The following HSD17B2 variants were observed in gnomAD, a reference collection of about 807,000 sequenced individuals.
The protein encoded by HSD17B2 is hydroxysteroid 17-beta dehydrogenase 2.
A neutral mutation model predicts 26.9 loss-of-function variants in HSD17B2; 32 were observed. The ratio of observed to expected loss-of-function variants is 1.19; its 90% CI spans 0.90 to 1.60. HSD17B2 has a LOEUF of 1.60. HSD17B2 is among the 40% of genes most tolerant of loss of function. The probability of loss-of-function intolerance (pLI) is 0.00; values close to 1 mark genes in which losing one functional copy is unlikely to be tolerated. For synonymous variants in HSD17B2, 246 were observed against 186.7 expected, an observed-to-expected ratio of 1.32 and a Z score of -2.59; for missense variants, 613 against 468.6, an observed-to-expected ratio of 1.31 and a Z score of -2.85.
At chr16:82,054,781 T>C (rs1225509403) in intron 1 of HSD17B2, among the ~76,000 whole-genome samples, 1 of 152,228 alleles carries the variant, frequency 6.6e-6, no homozygotes, top group Non-Finnish European at 1.5e-5. Flanking sequence ...CTAGTGTCTT[T>C]AGCAGAAAGG....
chr16:82,037,147 A>C (rs914929709), intron 1 of HSD17B2, among the ~76,000 whole-genome samples: 5 of 152,208 alleles, frequency 3.3e-5, no homozygotes, highest in Non-Finnish European at 5.9e-5. Flanking sequence ...CAATTAGGCA[A>C]CTCAAGCTCA....
intron 3 of HSD17B2, among the ~76,000 whole-genome samples, chr16:82,085,638 G>A (rs747122904): frequency 6.6e-6 from 1 of 151,990 alleles, no homozygotes; most frequent in Non-Finnish European, 1.5e-5. Context: ...GGCAATTTAG[G>A]GCTGTCTCTT....
chr16:82,070,722 C>T, intron 2 of HSD17B2: 1 of 557,940 alleles, frequency 1.8e-6, no homozygotes, highest in African/African-American at 1.9e-5. Context: ...ACAGAATATT[C>T]TACTTTACAT....
intron 1 of HSD17B2, among the ~76,000 whole-genome samples, chr16:82,043,684 C>CAAAAAAAAAAAAAAA (rs398030034): frequency 4.4e-5 from 1 of 22,550 alleles, no homozygotes; most frequent in African/African-American, 3.5e-4. Flanking sequence ...AACTCTGTCT[C>CAAAAAAAAAAAAAAA]AAAAAAAAAA....
At position 82,091,307 on chromosome 16, in the gene HSD17B2, A is replaced by G. The variant is rs1451765611; in HGVS notation, c.802+268A>G. 3 of 470,130 alleles carry G rather than the reference A, an allele frequency of 6.4e-6. No individual in the cohort carries two copies. In the Admixed American group the frequency reaches 9.9e-5, roughly 16 times the overall value. The allele number at this position is 470,130 out of a possible 1,614,324, so 29.1% of individuals were successfully genotyped here. On this transcript the variant is annotated intron_variant, in intron 4 of 4. Transcript: ENST00000199936. ...GGGAAAGCATGGCTCAGTAAGTCAG[A>G]TTAGTGAAAAAGTACAAGGGTCCAT...
chr16:82,074,114 T>C (rs1393287524), intron 3 of HSD17B2, among the ~76,000 whole-genome samples: 1 of 152,204 alleles, frequency 6.6e-6, no homozygotes, highest in Non-Finnish European at 1.5e-5. Context: ...GGATTCCCTA[T>C]TCAATAAACG....
intron 1 of HSD17B2, among the ~76,000 whole-genome samples, chr16:82,059,067 T>C (rs889787783): frequency 6.6e-6 from 1 of 152,188 alleles, no homozygotes; most frequent in African/African-American, 2.4e-5. Flanking sequence ...CCTAGTTTCT[T>C]CTCTTTCCTG....
Position 82,089,444 on chromosome 16 carries a change from G to A in HSD17B2, c.665-1458G>A, listed in dbSNP as rs8191208. ...TGTTATGGGTCTAGTCTTCGTGTGA[G>A]ACTTCATGAGGCACTGTGAGCCCTA... On this transcript the variant is annotated intron_variant, in intron 3 of 4. Transcript: ENST00000199936. Among the ~76,000 whole-genome samples, 1,049 of 152,254 alleles carry A rather than the reference G, an allele frequency of 6.9e-3. 7 individuals are homozygous for A. Among genetic ancestry groups the A allele is most frequent in the African/African-American group, 0.022 (908 of 41,548 alleles).
At chr16:82,039,778 C>T (rs566559381) in intron 1 of HSD17B2, among the ~76,000 whole-genome samples, 41 of 152,280 alleles carry the variant, frequency 2.7e-4, no homozygotes, top group Admixed American at 9.2e-4. Context: ...TGAGAACCGA[C>T]TCAGCATCTA....
chr16:82,094,885 T>C (rs1467083650), intron 4 of HSD17B2: 2 of 151,872 alleles, frequency 1.3e-5, no homozygotes, highest in Admixed American at 6.6e-5. Flanking sequence ...AGTGAGAAAA[T>C]GGAGGCTCAG....
intron 1 of HSD17B2, among the ~76,000 whole-genome samples, chr16:82,046,579 C>T (rs571630522): frequency 5.9e-5 from 9 of 151,792 alleles, no homozygotes; most frequent in Non-Finnish European, 1.0e-4. Context: ...AAAAATTAGA[C>T]GGGCATGGTG....
intron 1 of HSD17B2, among the ~76,000 whole-genome samples, chr16:82,064,276 C>A (rs979810682): frequency 1.3e-5 from 2 of 152,186 alleles, no homozygotes; most frequent in African/African-American, 4.8e-5. Context: ...CCTTTACCTG[C>A]CACGCTGGCT....
chr16:82,088,686 T>C (rs528863354), intron 3 of HSD17B2, among the ~76,000 whole-genome samples: 1 of 152,254 alleles, frequency 6.6e-6, no homozygotes, highest in Non-Finnish European at 1.5e-5. Context: ...TAGAAAGGAG[T>C]TGGATTTCAA....
intron 1 of HSD17B2, among the ~76,000 whole-genome samples, chr16:82,046,615 C>T (rs1419237865): frequency 2.6e-5 from 4 of 151,434 alleles, no homozygotes; most frequent in Admixed American, 1.3e-4. Flanking sequence ...CCCAGCTACT[C>T]GGGGAGGCTG....
In HSD17B2 at chr16:82,074,243, C is replaced by T. The variant is rs1182074424; in HGVS notation, c.664+3116C>T. On this transcript the variant is annotated intron_variant, in intron 3 of 4. Transcript: ENST00000199936. ...ATCTTGGATTTGTTTTTCCCCATGC[C>T]TCTCTCTTCTTTCTCCCACCCACTC... Among the ~76,000 whole-genome samples, 15 of 152,226 alleles carry T rather than the reference C, an allele frequency of 9.9e-5. No homozygotes were observed. In the East Asian group the frequency reaches 2.5e-3, roughly 25 times the overall value.
chr16:82,058,103 GCT>G (rs1435582507), intron 1 of HSD17B2, among the ~76,000 whole-genome samples: 1 of 141,562 alleles, frequency 7.1e-6, no homozygotes, highest in Non-Finnish European at 1.5e-5. Flanking sequence ...ATAGGGTTTT[GCT>G]CTGTCGCCTA....
chr16:82,057,355 TG>T (rs1433966532), intron 1 of HSD17B2, among the ~76,000 whole-genome samples: 10 of 152,016 alleles, frequency 6.6e-5, no homozygotes. Flanking sequence ...CGCACCAACA[TG>T]CCCGGCTACT....
intron 1 of HSD17B2, chr16:82,062,967 A>G (rs1914481736): frequency 6.6e-6 from 1 of 152,280 alleles, no homozygotes; most frequent in Admixed American, 6.5e-5. Flanking sequence ...ATCATAAGTC[A>G]GAAATGACGT....
intron 3 of HSD17B2, among the ~76,000 whole-genome samples, chr16:82,075,322 A>C (rs1203095396): frequency 3.9e-5 from 6 of 152,110 alleles, no homozygotes; most frequent in African/African-American, 1.4e-4. Flanking sequence ...CAACCTCAAA[A>C]TTAGTAGAAG....
Sources: gnomAD v4.1 joint callset for allele counts (sites outside exome capture counted in the v4.1 genomes callset) on GRCh38, gnomAD v4.1.1 for gene constraint, MANE v1.5 for transcripts, NCBI Gene and HGNC (gene_info 2026-07-23, HGNC 2026-07-21) for gene names.